SORCS1: variants seen among roughly 807,000 people sequenced by gnomAD.
The protein encoded by SORCS1 is VPS10 domain-containing receptor SorCS1.
A neutral mutation model predicts 146.1 loss-of-function variants in SORCS1; 60 were observed. The observed-to-expected ratio is 0.41, with a 90% CI of 0.33 to 0.51. The LOEUF (loss-of-function observed/expected upper bound fraction) is 0.51. SORCS1 is among the 20% of genes least tolerant of loss of function. The pLI is 0.21. For missense variants in SORCS1, 1,352 were observed against 1,487.6 expected (o/e 0.91, Z 1.50); for synonymous variants, 637 against 584.0 (o/e 1.09, Z -1.31).
chr10:106,729,917 A>C (rs1379689202), intron 6 of SORCS1, 133 bp downstream of exon 6: 1 of 1,085,396 alleles, frequency 9.2e-7, no homozygotes, highest in Non-Finnish European at 1.3e-6. Flanking sequence ...CACCCCTGCA[A>C]CCCCAAATCC....
chr10:107,148,550 T>C (rs571828565), intron 1 of SORCS1, among the ~76,000 whole-genome samples: 9 of 152,346 alleles, frequency 5.9e-5, no homozygotes, highest in African/African-American at 2.2e-4. Flanking sequence ...GGCTAAAATT[T>C]GGCCACCCCT....
chr10:107,130,013 A>G (rs372771377), intron 1 of SORCS1, among the ~76,000 whole-genome samples: 3 of 152,250 alleles, frequency 2.0e-5, no homozygotes, highest in East Asian at 1.9e-4. Context: ...AATGTCTTCA[A>G]TATGTCCAAG....
chr10:106,992,908 T>C (rs1388690369), intron 1 of SORCS1, among the ~76,000 whole-genome samples: 1 of 138,678 alleles, frequency 7.2e-6, no homozygotes, highest in Non-Finnish European at 1.5e-5. Flanking sequence ...CTAGGCTCAC[T>C]GCAACCTCTG....
intron 2 of SORCS1, among the ~76,000 whole-genome samples, chr10:106,917,951 T>G (rs1250621816): frequency 6.6e-6 from 1 of 152,200 alleles, no homozygotes; most frequent in African/African-American, 2.4e-5. Context: ...AATTGTTTTC[T>G]CAATAGCTGC....
chr10:107,088,664 A>C (rs952583205), intron 1 of SORCS1, among the ~76,000 whole-genome samples: 1 of 152,240 alleles, frequency 6.6e-6, no homozygotes, highest in East Asian at 1.9e-4. Context: ...CTCTGGGCAC[A>C]GATCACTGGA....
rs201926523 is a variant in SORCS1 at position 106,839,646 on chromosome 10, A to G, written c.627-9973T>C. On this transcript the variant is annotated intron_variant, in intron 2 of 25. Coordinates refer to ENST00000263054, the MANE Select transcript of SORCS1 (RefSeq NM_052918.5). Reference sequence around the variant, plus strand: ...AGCAGATGTTCAATGTAGAGGAAACAACATCCAATCAAAAGACGATTCCAT... The same window carrying G: ...AGCAGATGTTCAATGTAGAGGAAACGACATCCAATCAAAAGACGATTCCAT... Among the ~76,000 whole-genome samples the G allele has an allele frequency of 9.8e-5, 15 of 152,346 alleles. No individual in the cohort carries two copies. In the East Asian group the frequency reaches 2.7e-3, roughly 27 times the overall value.
intron 18 of SORCS1, among the ~76,000 whole-genome samples, chr10:106,634,590 T>C (rs1174708378): frequency 6.6e-6 from 1 of 152,240 alleles, no homozygotes. Flanking sequence ...GCAATATTTC[T>C]TTCAGACCAA....
At chr10:106,891,096 A>G (rs914594846) in intron 2 of SORCS1, among the ~76,000 whole-genome samples, 2 of 152,316 alleles carry the variant, frequency 1.3e-5, no homozygotes, top group East Asian at 3.9e-4. Context: ...GCCTTCAGGA[A>G]CAGTAAAGCA....
intron 1 of SORCS1, among the ~76,000 whole-genome samples, chr10:107,104,779 G>A (rs754905819): frequency 2.6e-5 from 4 of 152,134 alleles, no homozygotes; most frequent in Non-Finnish European, 5.9e-5. Context: ...AGATCCACAC[G>A]TACTGCTTAT....
rs1845247746 is a variant in SORCS1, at chr10:106,586,499, T to C, written c.3266-7025A>G. On this transcript the variant is annotated intron_variant, in intron 24 of 25. Transcript: ENST00000263054. ...CATTTCTGACGCATGTTTGTGCCCC[T>C]GTTTCTGTTCATCTGACTGTTCCTT... is the stretch of plus-strand genomic sequence containing the variant. Among the ~76,000 whole-genome samples, 3 of 152,330 alleles carry C rather than the reference T, an allele frequency of 2.0e-5. No homozygotes were observed. In the South Asian group the frequency reaches 6.2e-4, roughly 32 times the overall value.
intron 18 of SORCS1, among the ~76,000 whole-genome samples, chr10:106,636,681 G>A (rs540882682): frequency 2.1e-4 from 32 of 152,230 alleles, no homozygotes; most frequent in Admixed American, 1.4e-3. Context: ...TCCTTCCCTC[G>A]ACACTGGGGA....
At chr10:106,715,549 C>G (rs564014781) in intron 6 of SORCS1, among the ~76,000 whole-genome samples, 1 of 152,304 alleles carries the variant, frequency 6.6e-6, no homozygotes, top group South Asian at 2.1e-4. Flanking sequence ...AAAATGGGAA[C>G]AAACAATATC....
At chr10:106,673,358 C>T (rs905753653) in intron 14 of SORCS1, among the ~76,000 whole-genome samples, 2 of 152,128 alleles carry the variant, frequency 1.3e-5, no homozygotes, top group African/African-American at 4.8e-5. Flanking sequence ...GTCTTGATCT[C>T]CTGACCTCAT....
chr10:106,601,498 C>T (rs902674189), intron 23 of SORCS1, among the ~76,000 whole-genome samples: 3 of 152,158 alleles, frequency 2.0e-5, no homozygotes, highest in Non-Finnish European at 2.9e-5. Flanking sequence ...AGGCTCAATT[C>T]GAATTTTAGG....
intron 18 of SORCS1, among the ~76,000 whole-genome samples, chr10:106,647,858 G>A (rs186276362): frequency 1.4e-4 from 22 of 152,090 alleles, no homozygotes; most frequent in African/African-American, 3.6e-4. Context: ...TATATCTACC[G>A]TTTTTTAATT....
At chr10:107,044,814 TAAAAAAA>T (rs71025575) in intron 1 of SORCS1, among the ~76,000 whole-genome samples, 1 of 90,288 alleles carries the variant, frequency 1.1e-5, no homozygotes, top group Non-Finnish European at 2.2e-5. Context: ...TGTGTCTCAA[TAAAAAAA>T]AAAAAAAAAA....
intron 6 of SORCS1, among the ~76,000 whole-genome samples, chr10:106,724,629 T>G (rs576543550): frequency 1.1e-4 from 16 of 152,256 alleles, no homozygotes; most frequent in African/African-American, 3.8e-4. Flanking sequence ...GGAACTTCAA[T>G]GGAAACAGAA....
intron 3 of SORCS1, among the ~76,000 whole-genome samples, chr10:106,788,121 C>A (rs1196201287): frequency 7.0e-6 from 1 of 141,862 alleles, no homozygotes; most frequent in Non-Finnish European, 1.6e-5. Flanking sequence ...ATAAATTAAT[C>A]AAACAGTTAT....
chr10:106,773,665 C>T (rs979643162), intron 4 of SORCS1, among the ~76,000 whole-genome samples: 1 of 152,150 alleles, frequency 6.6e-6, no homozygotes, highest in Non-Finnish European at 1.5e-5. Context: ...AAACGAGAAC[C>T]CTGGCTGGGC....
Sources: gnomAD v4.1 joint callset for allele counts (sites outside exome capture counted in the v4.1 genomes callset) on GRCh38, gnomAD v4.1.1 for gene constraint, MANE v1.5 for transcripts, NCBI Gene and HGNC (gene_info 2026-07-23, HGNC 2026-07-21) for gene names.